The following PACRG variants were observed in gnomAD, a reference collection of about 807,000 sequenced individuals.
PACRG encodes the protein parkin coregulated.
In PACRG, 29 loss-of-function variants were observed where a neutral mutation model predicts 29.7. That is an observed-to-expected ratio of 0.98 (90% confidence interval 0.73 to 1.33). The LOEUF (loss-of-function observed/expected upper bound fraction) is 1.33. Among genes scored for constraint, PACRG ranks in the 40% most tolerant of loss-of-function variants. PACRG has a pLI of 0.00. For synonymous variants in PACRG, 116 were observed against 118.7 expected, an observed-to-expected ratio of 0.98 and a Z score of 0.15; for missense variants, 279 against 316.2, an observed-to-expected ratio of 0.88 and a Z score of 0.89.
chr6:163,115,104 A>T (rs1421021869), intron 4 of PACRG, among the ~76,000 whole-genome samples: 2 of 152,180 alleles, frequency 1.3e-5, no homozygotes, highest in African/African-American at 2.4e-5. Context: ...TGAAACTGTT[A>T]GTTAGCCAAC....
chr6:162,822,438 A>T (rs1787921817), intron 2 of PACRG, among the ~76,000 whole-genome samples: 1 of 152,236 alleles, frequency 6.6e-6, no homozygotes, highest in Admixed American at 6.5e-5. Context: ...TATGAAGCAC[A>T]TTTCTTGCTA....
At chr6:163,234,437 G>A (rs6934893) in intron 4 of PACRG, among the ~76,000 whole-genome samples, 109,722 of 152,060 alleles carry the variant, frequency 0.72, 40,485 homozygotes, top group African/African-American at 0.88. Context: ...GCTCCCCTTC[G>A]TCTTCCACAA....
chr6:163,107,174 T>A (rs1226493310), intron 4 of PACRG, among the ~76,000 whole-genome samples: 1 of 152,042 alleles, frequency 6.6e-6, no homozygotes, highest in Non-Finnish European at 1.5e-5. Flanking sequence ...GGTAGAGAGA[T>A]TAAAACCTAA....
intron 1 of PACRG, among the ~76,000 whole-genome samples, chr6:162,746,556 A>T (rs929638649): frequency 6.6e-6 from 1 of 152,218 alleles, no homozygotes; most frequent in African/African-American, 2.4e-5. Flanking sequence ...TGGTACACAC[A>T]TTCACACAAA....
intron 4 of PACRG, among the ~76,000 whole-genome samples, chr6:163,122,724 T>G (rs1329531710): frequency 6.6e-6 from 1 of 152,184 alleles, no homozygotes; most frequent in East Asian, 1.9e-4. Context: ...CCCCAGGTAT[T>G]ATTTTATAGC....
intron 1 of PACRG, among the ~76,000 whole-genome samples, chr6:162,787,598 A>C (rs1354606245): frequency 1.3e-4 from 18 of 136,954 alleles, no homozygotes; most frequent in African/African-American, 3.8e-4. Flanking sequence ...ATATATATAT[A>C]TATATATATA....
intron 4 of PACRG, among the ~76,000 whole-genome samples, chr6:163,205,344 C>A (rs1780859781): frequency 1.3e-5 from 2 of 152,172 alleles, no homozygotes; most frequent in Admixed American, 6.5e-5. Flanking sequence ...ACCAAAACAG[C>A]ATGTACTGGT....
intron 2 of PACRG, among the ~76,000 whole-genome samples, chr6:162,976,929 C>T (rs1376455229): frequency 6.6e-6 from 1 of 151,928 alleles, no homozygotes; most frequent in Non-Finnish European, 1.5e-5. Flanking sequence ...AAGTGGTTTT[C>T]TTTATAGTAT....
intron 2 of PACRG, among the ~76,000 whole-genome samples, chr6:163,010,739 A>G (rs1023959381): frequency 1.3e-5 from 2 of 152,234 alleles, no homozygotes; most frequent in Non-Finnish European, 2.9e-5. Context: ...GAAACACTCA[A>G]TGTATCAGGC....
At chr6:162,988,993 A>G (rs897356261) in intron 2 of PACRG, among the ~76,000 whole-genome samples, 1 of 152,152 alleles carries the variant, frequency 6.6e-6, no homozygotes, top group Non-Finnish European at 1.5e-5. Context: ...CTAAGCATGT[A>G]TTAGTTATGC....
chr6:163,108,517 T>A (rs1048888524), intron 4 of PACRG, among the ~76,000 whole-genome samples: 1 of 149,200 alleles, frequency 6.7e-6, no homozygotes, highest in Non-Finnish European at 1.5e-5. Context: ...CCTCAGTCCC[T>A]GAGTAGCTGG....
intron 1 of PACRG, among the ~76,000 whole-genome samples, chr6:162,730,278 A>G (rs1366919862): frequency 1.3e-5 from 2 of 152,190 alleles, no homozygotes; most frequent in East Asian, 1.9e-4. Flanking sequence ...TTTACATTTC[A>G]CCATTTTTAT....
intron 2 of PACRG, among the ~76,000 whole-genome samples, chr6:162,820,716 A>G (rs567831370): frequency 1.3e-5 from 2 of 152,298 alleles, no homozygotes; most frequent in Non-Finnish European, 2.9e-5. Context: ...CTTGTAGGCA[A>G]ATTTATTTGA....
intron 4 of PACRG, among the ~76,000 whole-genome samples, chr6:163,204,891 G>A (rs1168928182): frequency 6.6e-6 from 1 of 152,162 alleles, no homozygotes; most frequent in Non-Finnish European, 1.5e-5. Context: ...TAAAATCAAT[G>A]TACAAAAACC....
intron 1 of PACRG, among the ~76,000 whole-genome samples, chr6:162,736,275 T>C (rs887187793): frequency 2.0e-5 from 3 of 152,212 alleles, no homozygotes; most frequent in Non-Finnish European, 4.4e-5. Flanking sequence ...TTAAAATGTA[T>C]CTTGGCAAAT....
At chr6:162,887,074 A>AT (rs1794400279) in intron 2 of PACRG, among the ~76,000 whole-genome samples, 1 of 151,978 alleles carries the variant, frequency 6.6e-6, no homozygotes, top group South Asian at 2.1e-4. Context: ...CACCTGGCTA[A>AT]TTTTTTGTAT....
chr6:162,927,716 C>A (rs1040301983), intron 2 of PACRG, among the ~76,000 whole-genome samples: 2 of 152,000 alleles, frequency 1.3e-5, no homozygotes, highest in Non-Finnish European at 2.9e-5. Flanking sequence ...TGGGTTGATA[C>A]GTGCAGCAAA....
At chr6:162,801,196 C>T (rs567673160) in intron 1 of PACRG, among the ~76,000 whole-genome samples, 1 of 152,262 alleles carries the variant, frequency 6.6e-6, no homozygotes, top group Non-Finnish European at 1.5e-5. Flanking sequence ...TGCAACTCCA[C>T]TTCCTGAGTT....
chr6:163,109,034 T>C (rs950611543), intron 4 of PACRG, among the ~76,000 whole-genome samples: 2 of 152,092 alleles, frequency 1.3e-5, no homozygotes, highest in African/African-American at 4.8e-5. Context: ...GTGTCAACCC[T>C]CCAGTAGGCA....
Sources: gnomAD v4.1 joint callset for allele counts (sites outside exome capture counted in the v4.1 genomes callset) on GRCh38, gnomAD v4.1.1 for gene constraint, MANE v1.5 for transcripts, NCBI Gene and HGNC (gene_info 2026-07-23, HGNC 2026-07-21) for gene names.